The following CAMTA1 variants were observed in gnomAD, a reference collection of about 807,000 sequenced individuals.
CAMTA1 encodes the protein calmodulin-binding transcription activator 1.
In CAMTA1, 27 loss-of-function variants were observed where a neutral mutation model predicts 170.9. That is an observed-to-expected ratio of 0.16 (90% CI 0.12 to 0.22). CAMTA1 has a LOEUF of 0.22. Among genes scored for constraint, CAMTA1 ranks in the 10% least tolerant of loss-of-function variants. The pLI, the probability that CAMTA1 is intolerant of heterozygous loss-of-function variation, is 1.00. For missense variants in CAMTA1, 1,619 were observed against 2,217.2 expected (o/e 0.73, Z 5.42); for synonymous variants, 833 against 891.5 (o/e 0.93, Z 1.17).
At chr1:7,003,334 C>T (rs1450279439) in intron 3 of CAMTA1, among the ~76,000 whole-genome samples, 1 of 152,232 alleles carries the variant, frequency 6.6e-6, no homozygotes, top group Non-Finnish European at 1.5e-5. Flanking sequence ...ATCTGAATTG[C>T]ATTTTGCAGA....
intron 11 of CAMTA1, among the ~76,000 whole-genome samples, chr1:7,731,257 T>C (rs536062471): frequency 1.3e-5 from 2 of 152,306 alleles, no homozygotes; most frequent in African/African-American, 4.8e-5. Flanking sequence ...TATTTATGTT[T>C]GTCTCCGATG....
At chr1:7,480,353 G>A (rs547900340) in intron 6 of CAMTA1, among the ~76,000 whole-genome samples, 1 of 151,730 alleles carries the variant, frequency 6.6e-6, no homozygotes, top group Admixed American at 6.6e-5. Context: ...GTGCATGTGT[G>A]TGTTTGTGCA....
At chr1:7,201,645 G>A (rs933193192) in intron 4 of CAMTA1, among the ~76,000 whole-genome samples, 2 of 152,122 alleles carry the variant, frequency 1.3e-5, no homozygotes, top group Admixed American at 1.3e-4. Flanking sequence ...AATATCAAGT[G>A]TCTTTGTGTG....
At chr1:7,422,095 G>A (rs1043880980) in intron 5 of CAMTA1, among the ~76,000 whole-genome samples, 6 of 152,158 alleles carry the variant, frequency 3.9e-5, no homozygotes, top group African/African-American at 1.4e-4. Flanking sequence ...CATAAAGCAG[G>A]GCTGACTGGC....
At chr1:7,508,163 G>A (rs1157187548) in intron 6 of CAMTA1, among the ~76,000 whole-genome samples, 1 of 152,240 alleles carries the variant, frequency 6.6e-6, no homozygotes, top group East Asian at 1.9e-4. Flanking sequence ...GAGAGGTGGA[G>A]CTGGGCTTTG....
chr1:7,507,569 A>G (rs1264408122), intron 6 of CAMTA1, among the ~76,000 whole-genome samples: 3 of 152,200 alleles, frequency 2.0e-5, no homozygotes, highest in African/African-American at 7.2e-5. Flanking sequence ...TTAGTAATTG[A>G]AAGTGGCTTG....
At chr1:6,792,223 G>T (rs1294286938) in intron 1 of CAMTA1, among the ~76,000 whole-genome samples, 1 of 151,972 alleles carries the variant, frequency 6.6e-6, no homozygotes, top group South Asian at 2.1e-4. Context: ...CTCCCAAAGT[G>T]CTGAGATTAC....
chr1:7,088,294 T>C (rs1460050303), intron 3 of CAMTA1, among the ~76,000 whole-genome samples: 4 of 151,674 alleles, frequency 2.6e-5, no homozygotes, highest in Non-Finnish European at 5.9e-5. Flanking sequence ...GTGATGTAGG[T>C]AGTTCTTACA....
intron 3 of CAMTA1, among the ~76,000 whole-genome samples, chr1:6,991,562 T>C (rs1040356965): frequency 2.6e-5 from 4 of 152,256 alleles, no homozygotes; most frequent in Non-Finnish European, 4.4e-5. Context: ...TTAAACATCG[T>C]GGATTTCCCT....
chr1:6,868,698 G>A (rs1407773678), intron 3 of CAMTA1, among the ~76,000 whole-genome samples: 2 of 152,134 alleles, frequency 1.3e-5, no homozygotes, highest in Non-Finnish European at 2.9e-5. Context: ...TGTTGGAAAA[G>A]GTATCCCTAT....
chr1:7,560,900 C>T (rs530102873), intron 6 of CAMTA1, among the ~76,000 whole-genome samples: 8 of 152,000 alleles, frequency 5.3e-5, no homozygotes, highest in Non-Finnish European at 1.2e-4. Flanking sequence ...GGAAGGAACG[C>T]TGGGGTATGG....
At chr1:7,023,603 G>T (rs1056906948) in intron 3 of CAMTA1, among the ~76,000 whole-genome samples, 5 of 151,780 alleles carry the variant, frequency 3.3e-5, no homozygotes, top group African/African-American at 9.7e-5. Context: ...GAAACAAGTG[G>T]TTTTTTTTAA....
At position 6,790,375 on chromosome 1, in the gene CAMTA1, A is replaced by AGAGTGT. The variant is rs951990612; in HGVS notation, c.45+4801_45+4802insAGTGTG. On this transcript the variant is annotated intron_variant, in intron 1 of 22. Coordinates refer to ENST00000303635, the MANE Select transcript of CAMTA1 (RefSeq NM_015215.4). ...CAGAGTGTGAGAGAGAGAGAGAGAG[A>AGAGTGT]GTGTGTGTGTGTGTGTGTGTGTGTG... Among the ~76,000 whole-genome samples the AGAGTGT allele has an allele frequency of 6.4e-4, 89 of 139,124 alleles. No homozygotes were observed. In the Middle Eastern group the frequency reaches 0.022, roughly 34 times the overall value. The allele number at this position is 139,124 out of a possible 152,430, so 91.3% of individuals were successfully genotyped here.
At chr1:7,610,846 A>G (rs2150674997) in intron 6 of CAMTA1, among the ~76,000 whole-genome samples, 1 of 152,330 alleles carries the variant, frequency 6.6e-6, no homozygotes, top group Non-Finnish European at 1.5e-5. Context: ...GAGGTCAAAT[A>G]GCGCCTCAGA....
intron 11 of CAMTA1, among the ~76,000 whole-genome samples, chr1:7,711,529 C>T (rs1004101120): frequency 6.6e-6 from 1 of 152,186 alleles, no homozygotes; most frequent in Non-Finnish European, 1.5e-5. Context: ...CACTCTAGGG[C>T]TTTCTTCCTT....
intron 4 of CAMTA1, among the ~76,000 whole-genome samples, chr1:7,149,425 GA>G (rs964819858): frequency 1.6e-4 from 24 of 152,278 alleles, no homozygotes; most frequent in African/African-American, 5.5e-4. Flanking sequence ...AAATGTAGCA[GA>G]AAAAAATGTG....
At chr1:7,366,686 C>T (rs553426601) in intron 5 of CAMTA1, among the ~76,000 whole-genome samples, 10 of 152,350 alleles carry the variant, frequency 6.6e-5, no homozygotes, top group South Asian at 2.1e-4. Context: ...GTCGGCTCCT[C>T]GGTGCACATG....
intron 3 of CAMTA1, among the ~76,000 whole-genome samples, chr1:7,069,626 G>A (rs1341265448): frequency 6.6e-6 from 1 of 152,058 alleles, no homozygotes; most frequent in Non-Finnish European, 1.5e-5. Flanking sequence ...GTGGGTAGTG[G>A]GGTGCCCGTG....
intron 1 of CAMTA1, among the ~76,000 whole-genome samples, chr1:6,798,811 T>C (rs1643223009): frequency 6.6e-6 from 1 of 151,618 alleles, no homozygotes; most frequent in African/African-American, 2.4e-5. Flanking sequence ...TTAGCCAGGA[T>C]GGTCTCTATC....
Sources: allele counts gnomAD v4.1 joint callset (sites outside exome capture counted in the v4.1 genomes callset), GRCh38; gene constraint gnomAD v4.1.1; transcripts MANE v1.5; gene names NCBI Gene and HGNC (gene_info 2026-07-23, HGNC 2026-07-21).